The following FAT3 variants were observed in gnomAD, a reference collection of about 807,000 sequenced individuals.
FAT3 encodes protocadherin Fat 3.
Under a neutral mutation model 310.2 loss-of-function variants are expected in FAT3, and 95 were observed. That is an observed-to-expected ratio of 0.31 (90% CI 0.26 to 0.36). FAT3 has a LOEUF of 0.36. FAT3 is among the 10% of genes least tolerant of loss of function. The probability of loss-of-function intolerance (pLI) is 1.00; values close to 1 mark genes in which losing one functional copy is unlikely to be tolerated. For synonymous variants in FAT3, 2,314 were observed against 2,192.9 expected (o/e 1.06, Z -1.54); for missense variants, 5,408 against 5,715.6 (o/e 0.95, Z 1.74).
At chr11:92,885,016 AG>A (rs1373095631) in intron 24 of FAT3, among the ~76,000 whole-genome samples, 18 of 152,330 alleles carry the variant, frequency 1.2e-4, no homozygotes, top group African/African-American at 4.1e-4. Flanking sequence ...ACCCTTGTGC[AG>A]AAGCCAAGAG....
At chr11:92,630,759 C>T (rs1317599883) in intron 3 of FAT3, among the ~76,000 whole-genome samples, 3 of 152,084 alleles carry the variant, frequency 2.0e-5, no homozygotes, top group African/African-American at 7.3e-5. Context: ...TGACAGCCTT[C>T]TGGCAGGTTC....
intron 3 of FAT3, among the ~76,000 whole-genome samples, chr11:92,542,081 A>G (rs547612613): frequency 4.7e-4 from 72 of 152,214 alleles, no homozygotes; most frequent in Non-Finnish European, 8.1e-4. Flanking sequence ...AGAACACACA[A>G]TGGAGAAAGG....
chr11:92,534,276 TG>T (rs35131807), intron 3 of FAT3, among the ~76,000 whole-genome samples: 8 of 151,338 alleles, frequency 5.3e-5, no homozygotes, highest in African/African-American at 7.3e-5. Context: ...ACCACAGTCC[TG>T]GGGGGGGAGG....
intron 1 of FAT3, among the ~76,000 whole-genome samples, chr11:92,250,040 G>A (rs1468283483): frequency 1.3e-5 from 2 of 152,042 alleles, no homozygotes; most frequent in African/African-American, 2.4e-5. Context: ...TTTTCTGGTT[G>A]TAATAATTTT....
At chr11:92,261,737 G>T (rs577962784) in intron 1 of FAT3, among the ~76,000 whole-genome samples, 1 of 152,082 alleles carries the variant, frequency 6.6e-6, no homozygotes, top group Admixed American at 6.6e-5. Context: ...TGCTCCAGAG[G>T]TTTATTTTAA....
intron 22 of FAT3, among the ~76,000 whole-genome samples, chr11:92,878,985 A>G (rs11020089): frequency 0.68 from 103,173 of 151,880 alleles, 35,291 homozygotes; most frequent in Middle Eastern, 0.79. Context: ...ATAAACCCAT[A>G]TAAAGTACAT....
chr11:92,270,149 G>A (rs58263102), intron 1 of FAT3, among the ~76,000 whole-genome samples: 18,696 of 151,978 alleles, frequency 0.12, 1,261 homozygotes, highest in East Asian at 0.3. Flanking sequence ...GCAGCGTTTG[G>A]TACATATGAC....
At position 92,798,361 on chromosome 11, in the gene FAT3, C is replaced by T. The variant is rs1343450117; in HGVS notation, c.5348C>T (p.Pro1783Leu). 6 of 1,613,450 alleles carry T rather than the reference C, an allele frequency of 3.7e-6. No homozygotes were observed. In the Admixed American group the frequency reaches 1.0e-4, roughly 27 times the overall value. The change falls in exon 10 of 28, where the codon CCA (proline) becomes CTA (leucine). Residue 1783 changes from proline (P) to leucine (L), a missense_variant. This residue lies in a region of FAT3 where 4,588 missense variants were observed against 4,809.8 expected (regional missense o/e 0.95). Coordinates refer to ENST00000525166, the MANE Select transcript of FAT3 (RefSeq NM_001367949.2). Reference protein sequence around the residue: ...QYSGSLSEAAPINSIVRSLDN... With the variant: ...QYSGSLSEAALINSIVRSLDN... ...TCAGGCAGCCTAAGTGAGGCTGCCC[C>T]AATTAATAGCATTGTCAGGAGCTTG...
chr11:92,795,906 T>A (rs1197759581), intron 9 of FAT3, among the ~76,000 whole-genome samples: 2 of 151,508 alleles, frequency 1.3e-5, no homozygotes, highest in African/African-American at 4.9e-5. Context: ...AGACTCCATC[T>A]CAAAAAAAAA....
intron 3 of FAT3, among the ~76,000 whole-genome samples, chr11:92,569,720 A>AC (rs746555235): frequency 6.6e-6 from 1 of 152,126 alleles, no homozygotes; most frequent in East Asian, 1.9e-4. Context: ...TGTAGTGGGA[A>AC]CCCCACTGCA....
intron 1 of FAT3, among the ~76,000 whole-genome samples, chr11:92,315,479 G>A (rs11019902): frequency 0.018 from 1,175 of 65,050 alleles, 31 homozygotes; most frequent in African/African-American, 0.041. Flanking sequence ...GTGTGTGTGT[G>A]TATATATATA....
chr11:92,819,493 C>G (rs1445355921), intron 13 of FAT3, among the ~76,000 whole-genome samples: 2 of 152,132 alleles, frequency 1.3e-5, no homozygotes, highest in Admixed American at 6.5e-5. Context: ...TTCCCAGAAC[C>G]ACACTTTGAA....
rs771007861 is a variant in FAT3, at chr11:92,352,443, G to A, written c.331G>A (p.Gly111Ser). 1 of 1,612,386 alleles carries A rather than the reference G, an allele frequency of 6.2e-7. No homozygotes were observed. The highest frequency in any genetic ancestry group is 1.1e-5 in the South Asian group (1 of 90,232). Residue 111 changes from glycine (G) to serine (S), a missense_variant, in exon 2 of 28, where the codon GGT (glycine) becomes AGT (serine). Physicochemically the swap from Gly to Ser is moderately conservative, Grantham distance 56 (BLOSUM62 0). This residue lies in a region of FAT3 where 152 missense variants were observed against 188.3 expected (regional missense o/e 0.81). Transcript: ENST00000525166. ...DFCFLRIRTK[G>S]GNSAILNREI... ...CTGTTTTCTCAGAATAAGAACTAAA[G>A]GTGGCAATTCTGCCATATTAAATAG...
intron 1 of FAT3, among the ~76,000 whole-genome samples, chr11:92,257,062 G>A (rs971053016): frequency 6.6e-6 from 1 of 151,978 alleles, no homozygotes; most frequent in Non-Finnish European, 1.5e-5. Context: ...TCTGGTGTCA[G>A]CTTAAAAAAA....
At chr11:92,866,268 G>C in intron 21 of FAT3, among the ~76,000 whole-genome samples, 1 of 152,068 alleles carries the variant, frequency 6.6e-6, no homozygotes, top group Non-Finnish European at 1.5e-5. Flanking sequence ...GCCACATGAG[G>C]GCAGAGATGA....
intron 3 of FAT3, among the ~76,000 whole-genome samples, chr11:92,572,854 C>T (rs999080016): frequency 6.6e-6 from 1 of 152,128 alleles, no homozygotes; most frequent in African/African-American, 2.4e-5. Flanking sequence ...CATGCAGTAG[C>T]TTGCTAACCA....
chr11:92,435,857 G>T (rs1458531328), intron 2 of FAT3, among the ~76,000 whole-genome samples: 1 of 152,012 alleles, frequency 6.6e-6, no homozygotes, highest in African/African-American at 2.4e-5. Flanking sequence ...GTGAGCCACT[G>T]TGCCCAGCCT....
intron 13 of FAT3, among the ~76,000 whole-genome samples, chr11:92,812,588 A>T (rs1221559896): frequency 6.6e-6 from 1 of 152,158 alleles, no homozygotes; most frequent in Non-Finnish European, 1.5e-5. Context: ...TCTCAAAAAA[A>T]AAAAAGAAAG....
intron 21 of FAT3, among the ~76,000 whole-genome samples, chr11:92,862,636 A>T (rs12275134): frequency 1.3e-5 from 2 of 152,178 alleles, no homozygotes; most frequent in African/African-American, 4.8e-5. Flanking sequence ...GCATGGCCAG[A>T]TCTTTCCAAT....
Sources: allele counts gnomAD v4.1 joint callset (sites outside exome capture counted in the v4.1 genomes callset), GRCh38; gene constraint gnomAD v4.1.1; regional missense constraint gnomAD v4.1.1; transcripts MANE v1.5; gene names NCBI Gene and HGNC (gene_info 2026-07-23, HGNC 2026-07-21).